Variants in APBB1IP observed in about 807,000 individuals in gnomAD.
APBB1IP encodes the protein amyloid beta precursor protein binding family B member 1 interacting protein, also known as amyloid beta A4 precursor protein-binding family B member 1-interacting protein.
A neutral mutation model predicts 64.9 loss-of-function variants in APBB1IP; 27 were observed. That is an observed-to-expected ratio of 0.42 (90% CI 0.31 to 0.57). APBB1IP has a LOEUF of 0.57. Among genes scored for constraint, APBB1IP ranks in the 20% least tolerant of loss-of-function variants. The pLI, the probability that APBB1IP is intolerant of heterozygous loss-of-function variation, is 0.20. For synonymous variants in APBB1IP, 392 were observed against 331.0 expected, an observed-to-expected ratio of 1.18 and a Z score of -2.00; for missense variants, 812 against 845.5, an observed-to-expected ratio of 0.96 and a Z score of 0.49.
chr10:26,532,983 T>TA (rs1167744369), intron 8 of APBB1IP, among the ~76,000 whole-genome samples: 1 of 152,232 alleles, frequency 6.6e-6, no homozygotes, highest in African/African-American at 2.4e-5. Flanking sequence ...ATTCTCTTGA[T>TA]AAGCCAGAAT....
chr10:26,514,432 A>G (rs1157133016), intron 8 of APBB1IP, among the ~76,000 whole-genome samples: 1 of 152,228 alleles, frequency 6.6e-6, no homozygotes, highest in Non-Finnish European at 1.5e-5. Flanking sequence ...GTTGCAAACA[A>G]TTTGTGCAAG....
At chr10:26,553,554 C>T (rs759781684) in intron 11 of APBB1IP, among the ~76,000 whole-genome samples, 7 of 152,048 alleles carry the variant, frequency 4.6e-5, no homozygotes, top group Non-Finnish European at 7.4e-5. Flanking sequence ...CTCAGGTGGC[C>T]GATCGGGGTG....
chr10:26,494,359 T>C lies in APBB1IP; in HGVS notation c.73-1945T>C, dbSNP rs188666042. Reference sequence around the variant, plus strand: ...GTGGGCTTTAGAATGTCTTAGAGTGTGCTCATAAATGAGCCTTTGACTAAT... The same window carrying C: ...GTGGGCTTTAGAATGTCTTAGAGTGCGCTCATAAATGAGCCTTTGACTAAT... On this transcript the variant is annotated intron_variant, in intron 3 of 14. Coordinates refer to ENST00000376236, the MANE Select transcript of APBB1IP (RefSeq NM_019043.4). 8.5e-5 allele frequency among the ~76,000 whole-genome samples: 13 copies of C among 152,356 alleles called. No homozygotes were observed. In the East Asian group the frequency reaches 2.3e-3, roughly 27 times the overall value.
intron 11 of APBB1IP, among the ~76,000 whole-genome samples, chr10:26,545,746 C>G (rs1182476115): frequency 7.1e-6 from 1 of 141,630 alleles, no homozygotes; most frequent in African/African-American, 2.7e-5. Flanking sequence ...GGCGACAGAG[C>G]GAGACTCCGT....
At chr10:26,563,391 A>G (rs1306960815) in intron 14 of APBB1IP, among the ~76,000 whole-genome samples, 1 of 152,206 alleles carries the variant, frequency 6.6e-6, no homozygotes, top group East Asian at 1.9e-4. Flanking sequence ...TACACTAAAA[A>G]TGTGTATTTT....
chr10:26,503,260 G>A lies in APBB1IP; in HGVS notation c.517G>A (p.Ala173Thr). The stretch of plus-strand genomic sequence containing the variant: ...GCTGGCGCTGGAAAAACTGAAGGAG[G>A]CCAAGGTTAAGAAGGTGAATCATGA... ...IKLALEKLKEAKVKKLVVKVH... is the reference protein window; with the variant it reads ...IKLALEKLKETKVKKLVVKVH... Residue 173 changes from alanine (A) to threonine (T), a missense_variant, in exon 6 of 15, where the codon GCC becomes ACC. Physicochemically the swap from Ala to Thr is moderately conservative, Grantham distance 58 (BLOSUM62 0). Coordinates refer to ENST00000376236, the MANE Select transcript of APBB1IP (RefSeq NM_019043.4). The A allele has an allele frequency of 6.2e-7, 1 of 1,614,070 alleles. No homozygotes were observed. The highest frequency in any genetic ancestry group is 8.5e-7 in the Non-Finnish European group (1 of 1,179,974).
intron 2 of APBB1IP, among the ~76,000 whole-genome samples, chr10:26,471,539 C>G (rs1233954830): frequency 6.6e-6 from 1 of 152,066 alleles, no homozygotes. Context: ...CATATGGTAG[C>G]TCAGATTCTT....
At chr10:26,510,663 G>C (rs888852104) in intron 6 of APBB1IP, among the ~76,000 whole-genome samples, 1 of 151,416 alleles carries the variant, frequency 6.6e-6, no homozygotes, top group African/African-American at 2.4e-5. Context: ...TTGAGCCCAG[G>C]AGGTTCAGGC....
At position 26,562,423 on chromosome 10, in the gene APBB1IP, A is replaced by G; in HGVS notation, c.1467A>G (p.Thr489=). The stretch of plus-strand genomic sequence containing the variant: ...AAGAGGCCCAGAGACATGCTGAAAC[A>G]TCGAAGGTAAAACCAGCAAGCAGCT... ...VLQEAQRHAE[T]SKDKKPALGN... is the part of the protein sequence containing the mutation. The change falls in exon 14 of 15, where the codon ACA becomes ACG. Residue 489 remains threonine (T), a synonymous_variant. Transcript: ENST00000376236. The G allele has an allele frequency of 6.2e-7, 1 of 1,613,578 alleles. No individual in the cohort carries two copies. Among genetic ancestry groups the G allele is most frequent in the South Asian group, 1.1e-5 (1 of 91,072 alleles).
At chr10:26,540,559 G>A (rs1347961539) in intron 10 of APBB1IP, among the ~76,000 whole-genome samples, 1 of 152,056 alleles carries the variant, frequency 6.6e-6, no homozygotes, top group Non-Finnish European at 1.5e-5. Flanking sequence ...ACTTAAAAAT[G>A]TAAACTTTGA....
chr10:26,528,898 C>T (rs1005238914), intron 8 of APBB1IP, among the ~76,000 whole-genome samples: 3 of 152,316 alleles, frequency 2.0e-5, no homozygotes, highest in African/African-American at 7.2e-5. Context: ...GATCACGCCA[C>T]TGCACTCCAG....
chr10:26,551,548 T>G (rs1010978373), intron 11 of APBB1IP, among the ~76,000 whole-genome samples: 1 of 152,182 alleles, frequency 6.6e-6, no homozygotes, highest in Admixed American at 6.5e-5. Context: ...CATTCCATTC[T>G]GGGGCTAGAT....
chr10:26,453,194 C>T (rs1459574141), intron 2 of APBB1IP, among the ~76,000 whole-genome samples: 1 of 152,130 alleles, frequency 6.6e-6, no homozygotes, highest in Non-Finnish European at 1.5e-5. Context: ...CAGAATGGAG[C>T]TGTAGGTCTT....
chr10:26,513,416 T>C, intron 7 of APBB1IP, 123 bp from the exon 8 acceptor site: 1 of 1,032,414 alleles, frequency 9.7e-7, no homozygotes, highest in Non-Finnish European at 1.5e-6. Context: ...CATGTGAGAA[T>C]TATTAATAAG....
chr10:26,536,208 A>G lies in APBB1IP; in HGVS notation c.1035A>G (p.Gly345=). Residue 345 remains glycine (G), a synonymous_variant, in exon 10 of 15, where the codon GGA becomes GGG. Coordinates refer to ENST00000376236, the MANE Select transcript of APBB1IP (RefSeq NM_019043.4). ...CTGGAATTTATTATGTACCCAAAGG[A>G]AAGACTAAGGTCAGAAAAAAAAAAA... ...RASGIYYVPK[G]KTKTSRDLAC... 1.9e-6 allele frequency: 3 copies of G among 1,569,822 alleles called. No individual in the cohort carries two copies. The highest frequency in any genetic ancestry group is 2.4e-5 in the South Asian group (2 of 83,136).
chr10:26,557,008 T>C (rs1339792458), intron 11 of APBB1IP, among the ~76,000 whole-genome samples: 1 of 152,204 alleles, frequency 6.6e-6, no homozygotes, highest in Non-Finnish European at 1.5e-5. Flanking sequence ...GCTGTCATGT[T>C]CCAGCCAATA....
chr10:26,543,669 C>CA (rs1359510087), intron 11 of APBB1IP, among the ~76,000 whole-genome samples: 2 of 151,748 alleles, frequency 1.3e-5, no homozygotes, highest in Admixed American at 6.6e-5. Context: ...TGGCAAAGAA[C>CA]AAAAAAATAT....
chr10:26,545,557 G>C (rs938052866), intron 11 of APBB1IP, among the ~76,000 whole-genome samples: 7 of 152,142 alleles, frequency 4.6e-5, no homozygotes, highest in Admixed American at 4.6e-4. Flanking sequence ...TCAGGAGATC[G>C]AGACCATCCT....
intron 7 of APBB1IP, 81 bp downstream of exon 7, chr10:26,511,987 T>G: frequency 6.9e-7 from 1 of 1,456,876 alleles, no homozygotes; most frequent in Non-Finnish European, 9.4e-7. Flanking sequence ...TTATTCTTTT[T>G]TTCTCTTTAA....
Sources: allele counts gnomAD v4.1 joint callset (sites outside exome capture counted in the v4.1 genomes callset), GRCh38; gene constraint gnomAD v4.1.1; transcripts MANE v1.5; gene names NCBI Gene and HGNC (gene_info 2026-07-23, HGNC 2026-07-21).